DRG2: variants seen among roughly 807,000 people sequenced by gnomAD.
DRG2 encodes developmentally-regulated GTP-binding protein 2.
DRG2 carries 36 observed loss-of-function variants against 53.4 expected under a neutral mutation model. That is an observed-to-expected ratio of 0.67 (90% confidence interval 0.52 to 0.89). The LOEUF (loss-of-function observed/expected upper bound fraction) is 0.89, where lower values mean the gene tolerates loss of function less well. Among genes scored for constraint, DRG2 ranks in the 40% least tolerant of loss-of-function variants. The pLI, the probability that DRG2 is intolerant of heterozygous loss-of-function variation, is 0.00. For synonymous variants in DRG2, 167 were observed against 192.1 expected (o/e 0.87, Z 1.08); for missense variants, 342 against 481.2 (o/e 0.71, Z 2.71).
chr17:18,094,554 T>C (rs1390692724), intron 2 of DRG2, among the ~76,000 whole-genome samples: 1 of 152,120 alleles, frequency 6.6e-6, no homozygotes, highest in Non-Finnish European at 1.5e-5. Flanking sequence ...GCTCGCTTGG[T>C]GTGTCCAGGG....
intron 11 of DRG2, 33 bp downstream of exon 11, chr17:18,104,714 G>T (rs376516223): frequency 3.1e-6 from 5 of 1,613,554 alleles, no homozygotes; most frequent in African/African-American, 2.7e-5. Context: ...GACAAGGGGT[G>T]GGAGCTCTGC....
rs1201305310 is a variant in DRG2, at chr17:18,103,953, GGT to G, written c.895+70_895+71del. The G allele has an allele frequency of 2.6e-6, 4 of 1,516,370 alleles. No individual in the cohort carries two copies. The highest frequency in any genetic ancestry group is 4.5e-5 in the East Asian group (2 of 44,390). 93.9% of individuals were successfully genotyped at this position (1,516,370 alleles called of 1,614,324 possible). On this transcript the variant is annotated intron_variant, in intron 10 of 12. Coordinates refer to ENST00000225729, the MANE Select transcript of DRG2 (RefSeq NM_001388.5). The surrounding 1 kb of genome is among the most constrained non-coding windows in gnomAD (Gnocchi z 4.4). ...TTCATCCCTAGAAGGCTGCCAGGCC[GGT>G]GTGTGGTGCCCAGAGACCCCAGCAC... is the stretch of plus-strand genomic sequence containing the variant.
intron 2 of DRG2, 108 bp downstream of exon 2, chr17:18,094,081 C>T: frequency 7.0e-7 from 1 of 1,438,026 alleles, no homozygotes; most frequent in East Asian, 2.4e-5. Context: ...TCCAGGGACA[C>T]AGAAGACCTG....
intron 8 of DRG2, 110 bp downstream of exon 8, chr17:18,101,700 C>G (rs2045539942): frequency 9.3e-7 from 1 of 1,074,518 alleles, no homozygotes; most frequent in Non-Finnish European, 1.4e-6. Flanking sequence ...AGGCTCTCCC[C>G]TCACCTCACC....
chr17:18,103,748 A>C lies in DRG2; in HGVS notation c.807-53A>C, dbSNP rs987236144. 6.5e-7 allele frequency: 1 copy of C among 1,550,086 alleles called. No homozygotes were observed. The highest frequency in any genetic ancestry group is 1.4e-5 in the African/African-American group (1 of 73,666). On this transcript the variant is annotated intron_variant, in intron 9 of 12. Coordinates refer to ENST00000225729, the MANE Select transcript of DRG2 (RefSeq NM_001388.5). The surrounding 1 kb of genome is among the most constrained non-coding windows in gnomAD (Gnocchi z 4.4). ...TCCAATAGTGAGAAGTGGAGACCCCAGCCTCTGAATTCACAGGGGCCCCTG... is the reference window on the plus strand; with the variant it reads ...TCCAATAGTGAGAAGTGGAGACCCCCGCCTCTGAATTCACAGGGGCCCCTG...
At position 18,101,564 on chromosome 17, in the gene DRG2, A is replaced by G; in HGVS notation, c.703A>G (p.Asn235Asp). The G allele has an allele frequency of 8.1e-6, 13 of 1,614,158 alleles. No individual in the cohort carries two copies. The highest frequency in any genetic ancestry group is 1.1e-5 in the Non-Finnish European group (13 of 1,180,028). The change falls in exon 8 of 13, where the codon AAC (asparagine) becomes GAC (aspartate). Residue 235 changes from asparagine (N) to aspartate (D), a missense_variant. Physicochemically the swap from Asn to Asp is conservative, Grantham distance 23. Transcript: ENST00000225729. ...PDEFIDVIVG[N>D]RVYMPCLYVY... ...CGAGTTCATCGATGTGATCGTGGGC[A>G]ACCGGGTGTACATGCCCTGCCTGTA...
At position 18,091,487 on chromosome 17, in the gene DRG2, G is replaced by A. The variant is rs2045333242; in HGVS notation, c.65-2326G>A. ...TGTAGTCCCAGCTACTCGGGAGGCG[G>A]AGGCAGGAGAATCTCTTGAACCCAG... On this transcript the variant is annotated intron_variant, in intron 1 of 12. Coordinates refer to ENST00000225729, the MANE Select transcript of DRG2 (RefSeq NM_001388.5). 3.3e-5 allele frequency among the ~76,000 whole-genome samples: 5 copies of A among 152,256 alleles called. 1 individual carries two copies. In the South Asian group the frequency reaches 8.3e-4, roughly 25 times the overall value.
At chr17:18,106,186 C>T (rs762453198) in intron 11 of DRG2, 6 of 542,766 alleles carry the variant, frequency 1.1e-5, no homozygotes, top group Non-Finnish European at 2.0e-5. Flanking sequence ...GCTTTGGGAA[C>T]ATTCCTAACT....
intron 1 of DRG2, among the ~76,000 whole-genome samples, chr17:18,088,756 G>A (rs369537653): frequency 7.2e-5 from 11 of 152,322 alleles, no homozygotes; most frequent in African/African-American, 2.6e-4. Flanking sequence ...AATACATAAT[G>A]AAGCCTCAAA....
chr17:18,089,576 G>A (rs988053871), intron 1 of DRG2, among the ~76,000 whole-genome samples: 1 of 152,202 alleles, frequency 6.6e-6, no homozygotes, highest in African/African-American at 2.4e-5. Context: ...GATAATGTCA[G>A]CCAGCAATAT....
chr17:18,101,651 C>T (rs2045539188), intron 8 of DRG2, 61 bp downstream of exon 8: 1 of 1,515,814 alleles, frequency 6.6e-7, no homozygotes, highest in South Asian at 1.1e-5. Context: ...TGCATTTCCT[C>T]AGCTCCCGGA....
chr17:18,102,794 T>C (rs938379448), intron 9 of DRG2, among the ~76,000 whole-genome samples: 1 of 152,122 alleles, frequency 6.6e-6, no homozygotes, highest in Admixed American at 6.5e-5. Context: ...GCCACTCACT[T>C]CCTGCCCTCC....
At chr17:18,101,876 C>T in intron 8 of DRG2, 45 bp from the exon 9 acceptor site, 2 of 1,579,760 alleles carry the variant, frequency 1.3e-6, no homozygotes, top group African/African-American at 1.3e-5. Flanking sequence ...TTCCTGGATG[C>T]CTTGCTCCTG....
chr17:18,101,692 G>C, intron 8 of DRG2, 102 bp downstream of exon 8: 1 of 1,252,260 alleles, frequency 8.0e-7, no homozygotes, highest in East Asian at 2.4e-5. Flanking sequence ...AGAGTCTGAG[G>C]CTCTCCCCTC....
intron 2 of DRG2, chr17:18,097,618 G>A (rs560780630): frequency 2.6e-5 from 4 of 152,398 alleles, no homozygotes; most frequent in African/African-American, 9.6e-5. Context: ...TAGGGACCGG[G>A]TTCATGCCCA....
rs767245979 is a variant in DRG2 at position 18,106,499 on chromosome 17, G to T, written c.1008+13G>T. ...CGCCCTGGTGTGGGTGAGTCTCTGG[G>T]TGGAAAGCAACCAGGGGGGTAGACC... On this transcript the variant is annotated intron_variant, in intron 12 of 12. Coordinates refer to ENST00000225729, the MANE Select transcript of DRG2 (RefSeq NM_001388.5). 1 of 1,613,818 alleles carries T rather than the reference G, an allele frequency of 6.2e-7. No homozygotes were observed. The highest frequency in any genetic ancestry group is 1.7e-5 in the Admixed American group (1 of 60,002).
Position 18,090,398 on chromosome 17 carries a change from A to T in DRG2, c.64+2311A>T, listed in dbSNP as rs1567598111. ...TATATATATATATATATATATATAT[A>T]TATATATATTTTTTTTTTTTTTTTT... is the stretch of plus-strand genomic sequence containing the variant. On this transcript the variant is annotated intron_variant, in intron 1 of 12. Coordinates refer to ENST00000225729, the MANE Select transcript of DRG2 (RefSeq NM_001388.5). Among the ~76,000 whole-genome samples the T allele has an allele frequency of 3.0e-3, 33 of 10,992 alleles. 4 individuals are homozygous for T. In the South Asian group the frequency reaches 0.068, roughly 23 times the overall value. 7.2% of individuals were successfully genotyped at this position (10,992 alleles called of 152,430 possible).
intron 8 of DRG2, 146 bp from the exon 9 acceptor site, chr17:18,101,775 C>A: frequency 8.7e-7 from 1 of 1,148,608 alleles, no homozygotes; most frequent in Non-Finnish European, 1.2e-6. Context: ...CCAGCCCAGC[C>A]TTCCCAACCC....
intron 7 of DRG2, among the ~76,000 whole-genome samples, chr17:18,101,044 G>A (rs1309720547): frequency 6.6e-6 from 1 of 152,172 alleles, no homozygotes; most frequent in Non-Finnish European, 1.5e-5. Context: ...GGATAGGGCA[G>A]GGCCTTGGGC....
Sources: allele counts gnomAD v4.1 joint callset (sites outside exome capture counted in the v4.1 genomes callset), GRCh38; gene constraint gnomAD v4.1.1; non-coding constraint Gnocchi (gnomAD v3.1); transcripts MANE v1.5; gene names NCBI Gene and HGNC (gene_info 2026-07-23, HGNC 2026-07-21).